The following NLGN4X variants were observed in gnomAD, a reference collection of about 807,000 sequenced individuals.
NLGN4X encodes neuroligin 4 X-linked.
Under a neutral mutation model 40.3 loss-of-function variants are expected in NLGN4X, and 3 were observed. The observed-to-expected ratio is 0.07, with a 90% CI of 0.03 to 0.19. The LOEUF is 0.19. Among genes scored for constraint, NLGN4X ranks in the 10% least tolerant of loss-of-function variants. The pLI is 1.00. For synonymous variants in NLGN4X, 270 were observed against 306.8 expected, an observed-to-expected ratio of 0.88 and a Z score of 1.25; for missense variants, 382 against 708.3, an observed-to-expected ratio of 0.54 and a Z score of 5.23.
At chrX:6,019,991 G>T (rs2036491253) in intron 3 of NLGN4X, among the ~76,000 whole-genome samples, 1 of 112,105 alleles carries the variant, frequency 8.9e-6, no homozygotes, top group Middle Eastern at 4.6e-3. Flanking sequence ...TCTAAATATG[G>T]TTATGCATGT....
chrX:5,989,527 T>C (rs1392098954), intron 3 of NLGN4X, among the ~76,000 whole-genome samples: 1 of 112,606 alleles, frequency 8.9e-6, no homozygotes, highest in Non-Finnish European at 1.9e-5. Flanking sequence ...AGAACACTGC[T>C]AGGTTAATTT....
chrX:5,953,652 G>A (rs971205463), intron 3 of NLGN4X, among the ~76,000 whole-genome samples: 4 of 112,011 alleles, frequency 3.6e-5, no homozygotes, highest in Non-Finnish European at 7.5e-5. Flanking sequence ...TGTATTTGAA[G>A]AGAAACACTT....
chrX:6,047,310 T>A (rs1036126781), intron 2 of NLGN4X, among the ~76,000 whole-genome samples: 1 of 110,818 alleles, frequency 9.0e-6, no homozygotes, highest in Non-Finnish European at 1.9e-5. Context: ...AAACCCAGTA[T>A]CTACTAACAA....
chrX:6,135,130 C>T (rs955342215), intron 2 of NLGN4X, among the ~76,000 whole-genome samples: 2 of 112,033 alleles, frequency 1.8e-5, no homozygotes, highest in South Asian at 7.4e-4. Flanking sequence ...CGTTTCCCAT[C>T]TGGCATTAAA....
chrX:6,154,188 C>T (rs545849531), intron 1 of NLGN4X, among the ~76,000 whole-genome samples: 1 of 111,860 alleles, frequency 8.9e-6, no homozygotes, highest in East Asian at 2.8e-4. Context: ...TGGAAAATGT[C>T]TCTAGATAGT....
chrX:5,963,013 G>T (rs2034712468), intron 3 of NLGN4X, among the ~76,000 whole-genome samples: 1 of 105,558 alleles, frequency 9.5e-6, no homozygotes, highest in Non-Finnish European at 1.9e-5. Context: ...TGAGAGTGTG[G>T]TGTTAAGATA....
intron 2 of NLGN4X, among the ~76,000 whole-genome samples, chrX:6,122,108 A>C (rs974190629): frequency 1.8e-5 from 2 of 112,293 alleles, no homozygotes; most frequent in African/African-American, 6.5e-5. Flanking sequence ...AGTGATAGGG[A>C]GGGAGGAAAG....
intron 1 of NLGN4X, among the ~76,000 whole-genome samples, chrX:6,212,113 G>A (rs764740195): frequency 8.5e-4 from 93 of 109,967 alleles, no homozygotes; most frequent in African/African-American, 3.0e-3. Flanking sequence ...TGGTGTGCTC[G>A]TGGGCACCTG....
chrX:5,961,114 G>A (rs1601955149), intron 3 of NLGN4X, among the ~76,000 whole-genome samples: 1 of 111,169 alleles, frequency 9.0e-6, no homozygotes, highest in Admixed American at 9.6e-5. Flanking sequence ...TGCAAGCTCC[G>A]CCTTCCCGGG....
chrX:6,101,707 T>C (rs1187464477), intron 2 of NLGN4X, among the ~76,000 whole-genome samples: 2 of 110,531 alleles, frequency 1.8e-5, no homozygotes, highest in East Asian at 5.6e-4. Context: ...AGTGGGGTGG[T>C]TAATGGGTAC....
intron 2 of NLGN4X, among the ~76,000 whole-genome samples, chrX:6,091,373 C>T (rs1052475826): frequency 9.0e-5 from 10 of 111,352 alleles, no homozygotes; most frequent in African/African-American, 2.9e-4. Flanking sequence ...TGACTTGATT[C>T]ATCTGCACTG....
chrX:6,157,353 C>A (rs1487557719), intron 1 of NLGN4X, among the ~76,000 whole-genome samples: 1 of 111,354 alleles, frequency 9.0e-6, no homozygotes, highest in Non-Finnish European at 1.9e-5. Context: ...TGTTGCCCAG[C>A]CAAGACGAAT....
intron 2 of NLGN4X, among the ~76,000 whole-genome samples, chrX:6,076,246 A>T (rs1213316391): frequency 8.9e-6 from 1 of 112,381 alleles, no homozygotes; most frequent in Non-Finnish European, 1.9e-5. Context: ...TTTATTAAAT[A>T]CTGCAGTAGG....
chrX:6,160,178 T>C (rs1191009897), intron 1 of NLGN4X, among the ~76,000 whole-genome samples: 1 of 112,352 alleles, frequency 8.9e-6, no homozygotes, highest in Non-Finnish European at 1.9e-5. Context: ...AAAGAAATGA[T>C]AAATGCTTCA....
chrX:5,946,731 G>A (rs1382794459), intron 3 of NLGN4X, among the ~76,000 whole-genome samples: 1 of 111,105 alleles, frequency 9.0e-6, no homozygotes, highest in African/African-American at 3.3e-5. Flanking sequence ...TTGTTATGCA[G>A]GTAAACTAGT....
chrX:5,944,673 AG>A (rs1216903167), intron 3 of NLGN4X, among the ~76,000 whole-genome samples: 13 of 104,974 alleles, frequency 1.2e-4, no homozygotes, highest in African/African-American at 4.4e-4. Flanking sequence ...AAAAAAAAAA[AG>A]AAGAAGAAAT....
At chrX:5,936,714 T>C (rs765361978) in intron 3 of NLGN4X, among the ~76,000 whole-genome samples, 2 of 112,271 alleles carry the variant, frequency 1.8e-5, no homozygotes, top group Admixed American at 1.9e-4. Flanking sequence ...AGGAGTTCCC[T>C]CGTGTATACA....
At chrX:6,176,913 A>G (rs941380503) in intron 1 of NLGN4X, among the ~76,000 whole-genome samples, 1 of 111,830 alleles carries the variant, frequency 8.9e-6, no homozygotes, top group Non-Finnish European at 1.9e-5. Context: ...AGTGGTTGAG[A>G]CCAATGAGTT....
intron 2 of NLGN4X, among the ~76,000 whole-genome samples, chrX:6,079,736 T>C (rs1402734173): frequency 8.9e-6 from 1 of 112,260 alleles, no homozygotes; most frequent in Non-Finnish European, 1.9e-5. Flanking sequence ...AACTATTGTT[T>C]ATGTGCTTAT....
Sources: gnomAD v4.1 joint callset for allele counts (sites outside exome capture counted in the v4.1 genomes callset) on GRCh38, gnomAD v4.1.1 for gene constraint, MANE v1.5 for transcripts, NCBI Gene and HGNC (gene_info 2026-07-23, HGNC 2026-07-21) for gene names.